TMEM117: variants seen among roughly 807,000 people sequenced by gnomAD.
The protein encoded by TMEM117 is transmembrane protein 117.
Under a neutral mutation model 52.4 loss-of-function variants are expected in TMEM117, and 27 were observed. The ratio of observed to expected loss-of-function variants is 0.51; its 90% CI spans 0.38 to 0.71. The LOEUF (loss-of-function observed/expected upper bound fraction) is 0.71, where lower values mean the gene tolerates loss of function less well. Among genes scored for constraint, TMEM117 ranks in the 30% least tolerant of loss-of-function variants. The probability of loss-of-function intolerance (pLI) is 0.00; values close to 1 mark genes in which losing one functional copy is unlikely to be tolerated. For synonymous variants in TMEM117, 215 were observed against 206.3 expected (o/e 1.04, Z -0.36); for missense variants, 556 against 630.5 (o/e 0.88, Z 1.26).
the TMEM117 span, among the ~76,000 whole-genome samples, chr12:43,820,011 AAAAG>A: frequency 1.3e-5 from 2 of 152,244 alleles, no homozygotes; most frequent in African/African-American, 2.4e-5. Context: ...ACTTGTAAAA[AAAAG>A]AGAAAAGAAA....
At chr12:44,165,257 A>G (rs1948950554) in intron 4 of TMEM117, among the ~76,000 whole-genome samples, 1 of 152,224 alleles carries the variant, frequency 6.6e-6, no homozygotes, top group Non-Finnish European at 1.5e-5. Context: ...AAATGTTACC[A>G]CTACAGAAAA....
intron 3 of TMEM117, among the ~76,000 whole-genome samples, chr12:43,946,378 GTTT>G (rs1244597058): frequency 0.69 from 77,737 of 113,240 alleles, 25,412 homozygotes; most frequent in South Asian, 0.79. Context: ...ATATAATTCT[GTTT>G]TTTTTTTTTT....
At chr12:43,815,857 G>A in the TMEM117 span, among the ~76,000 whole-genome samples, 1 of 152,156 alleles carries the variant, frequency 6.6e-6, no homozygotes, top group East Asian at 1.9e-4. Flanking sequence ...TCTGCACAAG[G>A]GCAGGAAGGC....
intron 2 of TMEM117, among the ~76,000 whole-genome samples, chr12:43,865,126 C>T (rs951348488): frequency 6.6e-6 from 1 of 152,164 alleles, no homozygotes; most frequent in Non-Finnish European, 1.5e-5. Flanking sequence ...AGAACTGTAA[C>T]ACTCACTGCG....
chr12:44,263,601 A>G (rs1167096872), intron 5 of TMEM117: 2 of 152,238 alleles, frequency 1.3e-5, no homozygotes, highest in African/African-American at 4.8e-5. Flanking sequence ...CCAAATGCCC[A>G]TCAGTGATAG....
intron 4 of TMEM117, among the ~76,000 whole-genome samples, chr12:44,195,916 A>ATAAG (rs1949413587): frequency 6.7e-6 from 1 of 150,080 alleles, no homozygotes; most frequent in African/African-American, 2.4e-5. Context: ...AAATAAATAA[A>ATAAG]TAAATAAATA....
chr12:44,072,760 C>T (rs936041623), intron 3 of TMEM117, among the ~76,000 whole-genome samples: 1 of 152,124 alleles, frequency 6.6e-6, no homozygotes, highest in African/African-American at 2.4e-5. Context: ...AAGGACCAAT[C>T]AGGTAAATAA....
At chr12:44,007,342 T>C (rs1405289122) in intron 3 of TMEM117, among the ~76,000 whole-genome samples, 1 of 152,180 alleles carries the variant, frequency 6.6e-6, no homozygotes, top group Non-Finnish European at 1.5e-5. Context: ...ATTTCCCTTG[T>C]CTCTGAAAAA....
At chr12:43,896,022 G>T (rs1944194813) in intron 2 of TMEM117, among the ~76,000 whole-genome samples, 1 of 152,156 alleles carries the variant, frequency 6.6e-6, no homozygotes, top group African/African-American at 2.4e-5. Context: ...CAGATTGAGG[G>T]TGGGTCTGCC....
chr12:44,293,343 TATA>T (rs1051243408), intron 5 of TMEM117, among the ~76,000 whole-genome samples: 1 of 152,062 alleles, frequency 6.6e-6, no homozygotes, highest in African/African-American at 2.4e-5. Flanking sequence ...ATAGGCAGCT[TATA>T]ATGGGCTCTT....
chr12:44,111,776 CTTG>C (rs2138108626), intron 3 of TMEM117, among the ~76,000 whole-genome samples: 1 of 142,886 alleles, frequency 7.0e-6, no homozygotes, highest in East Asian at 2.0e-4. Flanking sequence ...GACTTTCTGT[CTTG>C]TTGATCTGTC....
At chr12:43,897,173 C>T (rs1944219565) in intron 2 of TMEM117, among the ~76,000 whole-genome samples, 3 of 152,210 alleles carry the variant, frequency 2.0e-5, no homozygotes, top group South Asian at 2.1e-4. Context: ...TCTACATTTT[C>T]CTCAGTCTCT....
At position 44,178,459 on chromosome 12, in the gene TMEM117, C is replaced by G. The variant is rs146609777; in HGVS notation, c.511-32831C>G. On this transcript the variant is annotated intron_variant, in intron 4 of 7. Transcript: ENST00000266534. Reference sequence around the variant, plus strand: ...TAGTCTACTTATCTCTGTCAGCTCCCTGTCACCTGCAGGTTTGATATGCAG... The same window carrying G: ...TAGTCTACTTATCTCTGTCAGCTCCGTGTCACCTGCAGGTTTGATATGCAG... Among the ~76,000 whole-genome samples the G allele has an allele frequency of 2.3e-3, 353 of 152,330 alleles. 12 individuals carry two copies. The East Asian group carries it at 0.035, about 15-fold the overall frequency.
chr12:43,969,319 G>T (rs1032404994), intron 3 of TMEM117, among the ~76,000 whole-genome samples: 2 of 130,030 alleles, frequency 1.5e-5, no homozygotes, highest in Non-Finnish European at 3.1e-5. Flanking sequence ...AGGAGTTCAA[G>T]ACCAGCCTGG....
chr12:44,001,553 G>T (rs138971669), intron 3 of TMEM117, among the ~76,000 whole-genome samples: 2 of 152,260 alleles, frequency 1.3e-5, no homozygotes, highest in African/African-American at 2.4e-5. Context: ...GTTTGTGGGG[G>T]CTACACGGAG....
At chr12:43,965,122 G>A (rs2137673729) in intron 3 of TMEM117, among the ~76,000 whole-genome samples, 1 of 152,314 alleles carries the variant, frequency 6.6e-6, no homozygotes, top group East Asian at 1.9e-4. Flanking sequence ...ATGTTACAGT[G>A]TGAGTGAGGT....
intron 5 of TMEM117, among the ~76,000 whole-genome samples, chr12:44,252,090 T>C (rs928411031): frequency 6.6e-6 from 1 of 152,224 alleles, no homozygotes; most frequent in Non-Finnish European, 1.5e-5. Context: ...TTATCTACAG[T>C]CTTCTCTCAG....
At chr12:44,184,808 A>G (rs1358896708) in intron 4 of TMEM117, among the ~76,000 whole-genome samples, 1 of 152,204 alleles carries the variant, frequency 6.6e-6, no homozygotes, top group Non-Finnish European at 1.5e-5. Context: ...CACAACTGTG[A>G]GCTAGAAAAT....
intron 4 of TMEM117, among the ~76,000 whole-genome samples, chr12:44,159,431 A>G (rs12297528): frequency 0.015 from 2,299 of 152,134 alleles, 67 homozygotes; most frequent in African/African-American, 0.052. Flanking sequence ...CAGATGGTTT[A>G]GTTTTCTAAA....
Sources: gnomAD v4.1 joint callset for allele counts (sites outside exome capture counted in the v4.1 genomes callset) on GRCh38, gnomAD v4.1.1 for gene constraint, MANE v1.5 for transcripts, NCBI Gene and HGNC (gene_info 2026-07-23, HGNC 2026-07-21) for gene names.